The following LMNA variants were observed in gnomAD, a reference collection of about 807,000 sequenced individuals.
LMNA encodes lamin A/C, also known as lamin.
In LMNA, 20 loss-of-function variants were observed where a neutral mutation model predicts 70.4. The ratio of observed to expected loss-of-function variants is 0.28; its 90% CI spans 0.20 to 0.41. The LOEUF (loss-of-function observed/expected upper bound fraction) is 0.41. Among genes scored for constraint, LMNA ranks in the 10% least tolerant of loss-of-function variants. The pLI is 1.00. For missense variants in LMNA, 652 were observed against 917.2 expected, an observed-to-expected ratio of 0.71 and a Z score of 3.73; for synonymous variants, 339 against 372.8, an observed-to-expected ratio of 0.91 and a Z score of 1.04.
chr1:156,112,168 G>C (rs1208476221), upstream of LMNA, among the ~76,000 whole-genome samples: 1 of 152,140 alleles, frequency 6.6e-6, no homozygotes, highest in African/African-American at 2.4e-5. Context: ...TATAATCCCA[G>C]CGCTTTGGAA....
chr1:156,111,689 T>C (rs1649547894), upstream of LMNA, among the ~76,000 whole-genome samples: 1 of 152,224 alleles, frequency 6.6e-6, no homozygotes, highest in Admixed American at 6.5e-5. Flanking sequence ...TGTGGCATAG[T>C]GTGCAGAACT....
intron 1 of LMNA, among the ~76,000 whole-genome samples, chr1:156,118,099 C>T (rs1181370283): frequency 6.6e-6 from 1 of 150,464 alleles, no homozygotes; most frequent in Non-Finnish European, 1.5e-5. Context: ...ACTGGGATTA[C>T]AGGCATAAGC....
chr1:156,135,057 G>A lies in LMNA; in HGVS notation c.810+82G>A, dbSNP rs929457863. 1.2e-5 allele frequency: 20 copies of A among 1,609,262 alleles called. No individual in the cohort carries two copies. In the African/African-American group the frequency reaches 2.7e-4, roughly 22 times the overall value. Reference sequence around the variant, plus strand: ...CCCACGCTGGGCTATGCCTTCTGGGGATCAGGCAGATGGTGGCAGGGAGCT... The same window carrying A: ...CCCACGCTGGGCTATGCCTTCTGGGAATCAGGCAGATGGTGGCAGGGAGCT... On this transcript the variant is annotated intron_variant, in intron 4 of 11. Coordinates refer to ENST00000368300, the MANE Select transcript of LMNA (RefSeq NM_170707.4). The surrounding 1 kb of genome is among the most constrained non-coding windows in gnomAD (Gnocchi z 4.8).
chr1:156,128,722 ACCTCAGTTT>A (rs1650792520), intron 1 of LMNA, among the ~76,000 whole-genome samples: 1 of 152,122 alleles, frequency 6.6e-6, no homozygotes, highest in Non-Finnish European at 1.5e-5. Flanking sequence ...CCTCCTTTGC[ACCTCAGTTT>A]CCTCATCTAT....
intron 2 of LMNA, among the ~76,000 whole-genome samples, chr1:156,083,826 G>A (rs1342194167): frequency 6.6e-6 from 1 of 152,140 alleles, no homozygotes. Context: ...AACCCATTCA[G>A]TCCCGTTTGA....
intron 3 of LMNA, among the ~76,000 whole-genome samples, chr1:156,095,080 C>T (rs1179096109): frequency 1.3e-5 from 2 of 152,192 alleles, no homozygotes; most frequent in African/African-American, 4.8e-5. Flanking sequence ...CGCCACCATG[C>T]CCGGCTACCG....
rs1186679791 is a variant in LMNA at position 156,117,969 on chromosome 1, A to ATTTTTTTTT, written c.356+2712_356+2720dup. Reference sequence around the variant, plus strand: ...GGGCAGGCACCACCACGCTTGGCTAATTTTTTTTTTTTTTTTTTTTTTTTT... The same window carrying ATTTTTTTTT: ...GGGCAGGCACCACCACGCTTGGCTAATTTTTTTTTTTTTTTTTTTTTTTTTTTTTTTTTT... On this transcript the variant is annotated intron_variant, in intron 1 of 11. Transcript: ENST00000368300. 3.2e-4 allele frequency among the ~76,000 whole-genome samples: 29 copies of ATTTTTTTTT among 91,880 alleles called. 1 individual carries two copies. The highest frequency in any genetic ancestry group is 7.9e-4 in the East Asian group (2 of 2,532). The allele number at this position is 91,880 out of a possible 152,430, so 60.3% of individuals were successfully genotyped here. A position where few individuals can be genotyped will look rare whatever the true frequency, so the allele number is the denominator to read the frequency against.
intron 3 of LMNA, among the ~76,000 whole-genome samples, chr1:156,094,561 G>A (rs1356610753): frequency 6.6e-6 from 1 of 152,062 alleles, no homozygotes; most frequent in Non-Finnish European, 1.5e-5. Flanking sequence ...GCTTTGGCCT[G>A]TGCTATCTCA....
intron 3 of LMNA, among the ~76,000 whole-genome samples, chr1:156,097,314 C>T (rs919481377): frequency 3.9e-5 from 6 of 152,180 alleles, no homozygotes; most frequent in Non-Finnish European, 5.9e-5. Context: ...TGCTGGGGAC[C>T]GGATGCCTTG....
At chr1:156,097,764 C>G (rs1040330147) in intron 3 of LMNA, among the ~76,000 whole-genome samples, 5 of 152,214 alleles carry the variant, frequency 3.3e-5, no homozygotes, top group African/African-American at 1.2e-4. Context: ...AACACTGATA[C>G]GGAGGAAAGC....
In LMNA at chr1:156,135,284, C is replaced by T. The variant is rs1369381913; in HGVS notation, c.908C>T (p.Ser303Phe). 6.2e-7 allele frequency: 1 copy of T among 1,613,490 alleles called. No homozygotes were observed. Among genetic ancestry groups the T allele is most frequent in the Non-Finnish European group, 8.5e-7 (1 of 1,179,902 alleles). ...QQSRIRIDSL[S>F]AQLSQLQKQL... is the part of the protein sequence containing the mutation. ...TCGCGCATCCGCATCGACAGCCTCT[C>T]TGCCCAGCTCAGCCAGCTCCAGAAG... The change falls in exon 5 of 12, where the codon TCT (serine) becomes TTT (phenylalanine). Residue 303 changes from serine to phenylalanine, a missense_variant. Transcript: ENST00000368300. The surrounding 1 kb of genome is among the most constrained non-coding windows in gnomAD (Gnocchi z 4.8).
intron 3 of LMNA, among the ~76,000 whole-genome samples, chr1:156,101,387 G>A (rs1411000423): frequency 6.6e-6 from 1 of 152,160 alleles, no homozygotes. Context: ...AGCTACTCAG[G>A]AGGCTGAGGC....
At chr1:156,095,208 C>T (rs1026463702) in intron 3 of LMNA, among the ~76,000 whole-genome samples, 58 of 152,116 alleles carry the variant, frequency 3.8e-4, no homozygotes, top group African/African-American at 1.4e-3. Flanking sequence ...GGATTACAGG[C>T]GTTAGCCACT....
At chr1:156,126,272 G>T in intron 1 of LMNA, 1 of 1,390,584 alleles carries the variant, frequency 7.2e-7, no homozygotes, top group South Asian at 1.4e-5. Context: ...TGCAGGGCTG[G>T]GCCAGCTCCT....
chr1:156,117,696 T>C (rs1649930288), intron 1 of LMNA, among the ~76,000 whole-genome samples: 1 of 152,072 alleles, frequency 6.6e-6, no homozygotes, highest in East Asian at 1.9e-4. Flanking sequence ...CCACAGCTAA[T>C]GTTTTTGTAT....
At chr1:156,101,813 G>A (rs1339771819) in intron 3 of LMNA, among the ~76,000 whole-genome samples, 1 of 152,160 alleles carries the variant, frequency 6.6e-6, no homozygotes, top group African/African-American at 2.4e-5. Context: ...GTAGAACATA[G>A]AACAGATAAC....
At chr1:156,093,971 G>A (rs1458519436) in intron 3 of LMNA, among the ~76,000 whole-genome samples, 3 of 151,854 alleles carry the variant, frequency 2.0e-5, no homozygotes, top group East Asian at 1.9e-4. Flanking sequence ...CTGGGCCCTC[G>A]CAGCCTGCCC....
In LMNA at chr1:156,134,844, G is replaced by T; in HGVS notation, c.679G>T (p.Val227Leu). 6.2e-7 allele frequency: 1 copy of T among 1,614,224 alleles called. No individual in the cohort carries two copies. Among genetic ancestry groups the T allele is most frequent in the Non-Finnish European group, 8.5e-7 (1 of 1,180,048 alleles). ...CAAGCGCCGTCATGAGACCCGACTGGTGGAGATTGACAATGGGAAGCAGCG... is the reference window on the plus strand; with the variant it reads ...CAAGCGCCGTCATGAGACCCGACTGTTGGAGATTGACAATGGGAAGCAGCG... Reference protein sequence around the residue: ...ETKRRHETRLVEIDNGKQREF... With the variant: ...ETKRRHETRLLEIDNGKQREF... Residue 227 changes from valine (V) to leucine (L), a missense_variant, in exon 4 of 12, where the codon GTG becomes TTG. By Grantham distance (32) the Val-to-Leu change is conservative. Coordinates refer to ENST00000368300, the MANE Select transcript of LMNA (RefSeq NM_170707.4). The surrounding 1 kb of genome is among the most constrained non-coding windows in gnomAD (Gnocchi z 5.3).
chr1:156,124,674 C>T (rs114377022), intron 1 of LMNA, among the ~76,000 whole-genome samples: 384 of 152,280 alleles, frequency 2.5e-3, no homozygotes, highest in African/African-American at 8.8e-3. Context: ...TGCCCTTACC[C>T]GAGTTGTGGC....
Sources: gnomAD v4.1 joint callset for allele counts (sites outside exome capture counted in the v4.1 genomes callset) on GRCh38, gnomAD v4.1.1 for gene constraint, Gnocchi (gnomAD v3.1) non-coding constraint, MANE v1.5 for transcripts, NCBI Gene and HGNC (gene_info 2026-07-23, HGNC 2026-07-21) for gene names.